The following GNAL variants were observed in gnomAD, a reference collection of about 807,000 sequenced individuals.
GNAL encodes guanine nucleotide-binding protein G(olf) subunit alpha.
In GNAL, 18 loss-of-function variants were observed where a neutral mutation model predicts 55.1. The observed-to-expected ratio is 0.33, with a 90% CI of 0.23 to 0.48. GNAL has a LOEUF of 0.48. GNAL is among the 20% of genes least tolerant of loss of function. The pLI is 0.99. For synonymous variants in GNAL, 253 were observed against 237.0 expected (o/e 1.07, Z -0.62); for missense variants, 412 against 614.1 (o/e 0.67, Z 3.48).
At chr18:11,824,202 AAGAC>A (rs1249442640) in intron 4 of GNAL, among the ~76,000 whole-genome samples, 3 of 151,246 alleles carry the variant, frequency 2.0e-5, no homozygotes, top group African/African-American at 7.3e-5. Flanking sequence ...GAAAACGTAA[AAGAC>A]AGAAGCTAAG....
intron 4 of GNAL, among the ~76,000 whole-genome samples, chr18:11,806,640 A>G (rs1260869702): frequency 6.6e-6 from 1 of 152,050 alleles, no homozygotes; most frequent in East Asian, 1.9e-4. Context: ...CCACTTTGAT[A>G]TTCACATAGA....
intron 5 of GNAL, among the ~76,000 whole-genome samples, chr18:11,855,601 T>C (rs997015341): frequency 4.6e-5 from 7 of 152,172 alleles, no homozygotes; most frequent in African/African-American, 1.7e-4. Context: ...GGAATGCCAA[T>C]GTATCTAGAT....
In GNAL at chr18:11,752,786, G is replaced by A. The variant is rs1555646414; in HGVS notation, c.377-67G>A. 8.1e-7 allele frequency: 1 copy of A among 1,237,472 alleles called. No individual in the cohort carries two copies. Among genetic ancestry groups the A allele is most frequent in the Non-Finnish European group, 1.2e-6 (1 of 837,462 alleles). The allele number at this position is 1,237,472 out of a possible 1,614,324, so 76.7% of individuals were successfully genotyped here. A position where few individuals can be genotyped will look rare whatever the true frequency, so the allele number is the denominator to read the frequency against. ...TGGGGGAGGAGGATTGCTCAGACCC[G>A]GCTAGTGGTGAGAGATGGCAGCGAT... On this transcript the variant is annotated intron_variant, in intron 1 of 11. Transcript: ENST00000334049. This position sits in a 1 kb window ranked among gnomAD's most constrained non-coding sequence, Gnocchi z 4.5.
chr18:11,700,739 G>T (rs530807900), intron 1 of GNAL, among the ~76,000 whole-genome samples: 1 of 152,248 alleles, frequency 6.6e-6, no homozygotes, highest in Non-Finnish European at 1.5e-5. Flanking sequence ...CCTTGGAGAA[G>T]ATGTAGGTTG....
intron 5 of GNAL, chr18:11,851,366 C>T (rs1363759110): frequency 1.8e-6 from 2 of 1,089,452 alleles, no homozygotes; most frequent in Non-Finnish European, 1.3e-6. Flanking sequence ...GCGCTGGGCT[C>T]TGACGTCACC....
chr18:11,773,365 C>T lies in GNAL; in HGVS notation c.624+19420C>T, dbSNP rs1240924135. 3.9e-5 allele frequency among the ~76,000 whole-genome samples: 6 copies of T among 152,304 alleles called. No homozygotes were observed. In the East Asian group the frequency reaches 5.8e-4, roughly 15 times the overall value. ...GGTATGTGTTGGAGCAGGAGATAAA[C>T]GGGATGACACACTACATAACCAGTC... is the stretch of plus-strand genomic sequence containing the variant. On this transcript the variant is annotated intron_variant, in intron 4 of 11. Coordinates refer to ENST00000334049, the MANE Select transcript of GNAL (RefSeq NM_182978.4).
chr18:11,692,015 GA>G (rs765834820), intron 1 of GNAL, among the ~76,000 whole-genome samples: 3 of 150,688 alleles, frequency 2.0e-5, no homozygotes, highest in Non-Finnish European at 3.0e-5. Context: ...ACCGTAGAAT[GA>G]AAAAAAAATC....
At chr18:11,850,779 T>A (rs931920158) in intron 5 of GNAL, among the ~76,000 whole-genome samples, 10 of 152,210 alleles carry the variant, frequency 6.6e-5, no homozygotes, top group Non-Finnish European at 1.3e-4. Context: ...ACCTAGAAGC[T>A]GAACTTCCAG....
At chr18:11,754,292 C>A (rs1428863503) in intron 4 of GNAL, among the ~76,000 whole-genome samples, 1 of 151,888 alleles carries the variant, frequency 6.6e-6, no homozygotes, top group Non-Finnish European at 1.5e-5. Context: ...TGGTGTGCGC[C>A]TGTAATCCCA....
In GNAL at chr18:11,872,315, T is replaced by C. The variant is rs772856104; in HGVS notation, c.1079T>C (p.Met360Thr). ...SIILFLNKQD[M>T]LAEKVLAGKS... ...ATCTTGTTCTTGAACAAACAAGATA[T>C]GCTGGCAGAAAAAGTCTTGGCAGGG... is the stretch of plus-strand genomic sequence containing the variant. The change falls in exon 10 of 12, where the codon ATG becomes ACG. Residue 360 changes from methionine (M) to threonine (T), a missense_variant. Met to Thr is a moderately conservative substitution (Grantham distance 81, BLOSUM62 -1). This residue lies in a region of GNAL where 53 missense variants were observed against 182.7 expected (regional missense o/e 0.29). Coordinates refer to ENST00000334049, the MANE Select transcript of GNAL (RefSeq NM_182978.4). 4 of 1,578,484 alleles carry C rather than the reference T, an allele frequency of 2.5e-6. No individual in the cohort carries two copies. The highest frequency in any genetic ancestry group is 3.4e-6 in the Non-Finnish European group (4 of 1,166,484).
In GNAL at chr18:11,884,803, C is replaced by T. The variant is rs532613214; in HGVS notation, c.*3668C>T. 10 of 1,388,834 alleles carry T rather than the reference C, an allele frequency of 7.2e-6. No individual in the cohort carries two copies. In the East Asian group the frequency reaches 7.8e-5, roughly 11 times the overall value. The allele number at this position is 1,388,834 out of a possible 1,614,324, so 86.0% of individuals were successfully genotyped here. On this transcript the variant is annotated 3_prime_UTR_variant, in exon 12 of 12. Coordinates refer to ENST00000334049, the MANE Select transcript of GNAL (RefSeq NM_182978.4). ...GCCTTCTCCCTGCACAGCTCACCCC[C>T]GACCAGCCCAGGCTCCAGCAGGAGA...
intron 4 of GNAL, among the ~76,000 whole-genome samples, chr18:11,802,495 G>A (rs1243294280): frequency 6.6e-6 from 1 of 152,170 alleles, no homozygotes. Flanking sequence ...TCTTGTTGCA[G>A]GCAGTGGCTC....
intron 5 of GNAL, among the ~76,000 whole-genome samples, chr18:11,851,188 T>TAATGCGAATGCGA (rs2143781217): frequency 6.6e-6 from 1 of 152,352 alleles, no homozygotes; most frequent in African/African-American, 2.4e-5. Context: ...GTGAATTGAC[T>TAATGCGAATGCGA]AATGCGTTAG....
At chr18:11,873,681 A>G (rs994195986) in intron 10 of GNAL, among the ~76,000 whole-genome samples, 1 of 152,220 alleles carries the variant, frequency 6.6e-6, no homozygotes, top group Non-Finnish European at 1.5e-5. Flanking sequence ...TGTGCTTTCC[A>G]GGACTGAGGC....
intron 1 of GNAL, among the ~76,000 whole-genome samples, chr18:11,709,519 T>G (rs965737060): frequency 6.6e-6 from 1 of 152,114 alleles, no homozygotes; most frequent in Non-Finnish European, 1.5e-5. Context: ...ATAAAGGTCT[T>G]TCTCCTCCTT....
intron 7 of GNAL, among the ~76,000 whole-genome samples, chr18:11,866,058 G>C (rs1443595321): frequency 6.7e-6 from 1 of 149,956 alleles, no homozygotes; most frequent in East Asian, 1.9e-4. Context: ...CATGGCCACT[G>C]TCAGGCTGGA....
chr18:11,705,694 T>G (rs2031691748), intron 1 of GNAL, among the ~76,000 whole-genome samples: 1 of 152,150 alleles, frequency 6.6e-6, no homozygotes, highest in African/African-American at 2.4e-5. Flanking sequence ...GATTTGCCAT[T>G]TTCCTCATGA....
chr18:11,847,398 C>T (rs78922014), intron 5 of GNAL, among the ~76,000 whole-genome samples: 172 of 142,382 alleles, frequency 1.2e-3, no homozygotes, highest in African/African-American at 3.5e-3. Flanking sequence ...CTTTTATTTT[C>T]TTTTTTTTTT....
chr18:11,699,328 A>G (rs1283729640), intron 1 of GNAL, among the ~76,000 whole-genome samples: 1 of 151,670 alleles, frequency 6.6e-6, no homozygotes, highest in African/African-American at 2.4e-5. Flanking sequence ...CCAAGTAGCT[A>G]GGACCACAGG....
Sources: gnomAD v4.1 joint callset for allele counts (sites outside exome capture counted in the v4.1 genomes callset) on GRCh38, gnomAD v4.1.1 for gene constraint, gnomAD v4.1.1 regional missense constraint, Gnocchi (gnomAD v3.1) non-coding constraint, MANE v1.5 for transcripts, NCBI Gene and HGNC (gene_info 2026-07-23, HGNC 2026-07-21) for gene names.